LIPI: variants seen among roughly 807,000 people sequenced by gnomAD.
The protein encoded by LIPI is lipase member I.
A neutral mutation model predicts 50.6 loss-of-function variants in LIPI; 59 were observed. The ratio of observed to expected loss-of-function variants is 1.16; its 90% CI spans 0.94 to 1.45. The LOEUF is 1.45. Among genes scored for constraint, LIPI ranks in the 40% most tolerant of loss-of-function variants. The pLI is 0.00. For synonymous variants in LIPI, 203 were observed against 178.2 expected (o/e 1.14, Z -1.11); for missense variants, 586 against 536.3 (o/e 1.09, Z -0.92).
At chr21:14,172,069 C>T (rs1001935837) in intron 4 of LIPI, among the ~76,000 whole-genome samples, 1 of 152,210 alleles carries the variant, frequency 6.6e-6, no homozygotes, top group African/African-American at 2.4e-5. Flanking sequence ...CATGAACCAA[C>T]ACTTCTCAAA....
chr21:14,132,325 T>C (rs180782394), intron 9 of LIPI, among the ~76,000 whole-genome samples: 6 of 152,242 alleles, frequency 3.9e-5, no homozygotes, highest in Non-Finnish European at 1.5e-5. Context: ...ATGTATCTAG[T>C]CACCTATAAA....
At position 14,144,613 on chromosome 21, in the gene LIPI, A is replaced by T. The variant is rs540756724; in HGVS notation, c.1295+10T>A. ...GATAACATGTTGAAATCAAAATTTA[A>T]TTTTCTTACCTTTCTGGGTATGTAA... On this transcript the variant is annotated intron_variant, in intron 9 of 9. Transcript: ENST00000681601. 271 of 1,431,566 alleles carry T rather than the reference A, an allele frequency of 1.9e-4. 3 individuals are homozygous for T. The South Asian group carries it at 2.9e-3, about 16-fold the overall frequency. The allele number at this position is 1,431,566 out of a possible 1,614,324, so 88.7% of individuals were successfully genotyped here.
At chr21:14,120,277 C>G (rs976752009) in intron 9 of LIPI, among the ~76,000 whole-genome samples, 1 of 152,166 alleles carries the variant, frequency 6.6e-6, no homozygotes, top group Non-Finnish European at 1.5e-5. Context: ...GGCCAAGGCC[C>G]GCCCCCTAGC....
At chr21:14,139,383 G>T (rs2123037321) in intron 9 of LIPI, among the ~76,000 whole-genome samples, 1 of 152,060 alleles carries the variant, frequency 6.6e-6, no homozygotes, top group East Asian at 1.9e-4. Context: ...GCCTTCAATT[G>T]GGTTTAAGCA....
chr21:14,210,896 T>G lies in LIPI; in HGVS notation c.-51A>C. 1 of 1,178,312 alleles carries G rather than the reference T, an allele frequency of 8.5e-7. No homozygotes were observed. 73.0% of individuals were successfully genotyped at this position (1,178,312 alleles called of 1,614,324 possible). ...GCACTCAATTCACCAAAAAGGAAAT[T>G]CCGTAACTCATTGAGGTTTCTCTTT... On this transcript the variant is annotated 5_prime_UTR_variant, in exon 1 of 10. Transcript: ENST00000681601.
At position 14,206,853 on chromosome 21, in the gene LIPI, C is replaced by CT. The variant is rs751010025; in HGVS notation, c.46+3946dup. 8.7e-5 allele frequency: 140 copies of CT among 1,612,330 alleles called. 1 individual carries two copies. The South Asian group carries it at 9.1e-4, about 10-fold the overall frequency. On this transcript the variant is annotated intron_variant, in intron 1 of 9. Transcript: ENST00000681601. ...CACAACTAGAAGCCACAGGACATTT[C>CT]TGGGTGAGAACTGAAAAGCATGAGC...
chr21:14,209,252 T>TA, intron 1 of LIPI, among the ~76,000 whole-genome samples: 1 of 152,304 alleles, frequency 6.6e-6, no homozygotes, highest in South Asian at 2.1e-4. Flanking sequence ...TTATTCTACT[T>TA]ACAATTTTTA....
intron 8 of LIPI, among the ~76,000 whole-genome samples, chr21:14,148,953 A>G (rs1170092601): frequency 6.6e-6 from 1 of 152,206 alleles, no homozygotes; most frequent in African/African-American, 2.4e-5. Flanking sequence ...CATAGAATAT[A>G]ATGTTTGTAA....
chr21:14,178,887 T>A lies in LIPI; in HGVS notation c.643+2871A>T, dbSNP rs376375519. Reference sequence around the variant, plus strand: ...AAGGCTATTGTTTGCTTCTGTCAGATAACTAGGAGTTCTAACAATTCAGAA... The same window carrying A: ...AAGGCTATTGTTTGCTTCTGTCAGAAAACTAGGAGTTCTAACAATTCAGAA... On this transcript the variant is annotated intron_variant, in intron 4 of 9. Coordinates refer to ENST00000681601, the MANE Select transcript of LIPI (RefSeq NM_001302998.2). 7.9e-5 allele frequency among the ~76,000 whole-genome samples: 12 copies of A among 152,176 alleles called. No individual in the cohort carries two copies. In the East Asian group the frequency reaches 1.2e-3, roughly 15 times the overall value.
intron 1 of LIPI, among the ~76,000 whole-genome samples, chr21:14,199,007 T>A (rs1215769732): frequency 6.6e-6 from 1 of 152,046 alleles, no homozygotes; most frequent in African/African-American, 2.4e-5. Context: ...CCTAAGTGAA[T>A]ACTGGGTAAA....
chr21:14,123,501 A>G (rs555679340), intron 9 of LIPI, among the ~76,000 whole-genome samples: 1 of 152,314 alleles, frequency 6.6e-6, no homozygotes, highest in African/African-American at 2.4e-5. Flanking sequence ...CTCCCACCAA[A>G]ACAAGGGAAG....
intron 8 of LIPI, among the ~76,000 whole-genome samples, chr21:14,152,188 C>T (rs1205717772): frequency 2.6e-5 from 4 of 152,098 alleles, no homozygotes; most frequent in Non-Finnish European, 5.9e-5. Context: ...GCAACCTCCA[C>T]CTCCTGGGTT....
chr21:14,119,263 A>G (rs916374277), intron 9 of LIPI, among the ~76,000 whole-genome samples: 2 of 152,190 alleles, frequency 1.3e-5, no homozygotes, highest in Non-Finnish European at 2.9e-5. Flanking sequence ...ACTGCCATAC[A>G]TAGATGATTT....
chr21:14,138,772 C>A (rs1423527468), intron 9 of LIPI, among the ~76,000 whole-genome samples: 1 of 152,008 alleles, frequency 6.6e-6, no homozygotes, highest in Non-Finnish European at 1.5e-5. Context: ...CATTGTTAAT[C>A]AAATTGTAAA....
intron 9 of LIPI, among the ~76,000 whole-genome samples, chr21:14,131,322 C>T (rs1372073563): frequency 1.3e-5 from 2 of 152,086 alleles, no homozygotes; most frequent in African/African-American, 4.8e-5. Context: ...AAAACAGGCA[C>T]ATTTACCCCA....
chr21:14,200,212 C>T (rs1211813153), intron 1 of LIPI, among the ~76,000 whole-genome samples: 1 of 152,064 alleles, frequency 6.6e-6, no homozygotes, highest in East Asian at 1.9e-4. Flanking sequence ...TACCCTCTCT[C>T]ACCACTCCTG....
rs1296898055 is a variant in LIPI, at chr21:14,197,678, C to A, written c.47-8259G>T. Among the ~76,000 whole-genome samples the A allele has an allele frequency of 1.3e-5, 2 of 151,980 alleles. 1 individual carries two copies. ...CCTGAAAGAGATGAGGAGAATAGAACAAAATTGGAAAACATATTTCAGGAT... is the reference window on the plus strand; with the variant it reads ...CCTGAAAGAGATGAGGAGAATAGAAAAAAATTGGAAAACATATTTCAGGAT... On this transcript the variant is annotated intron_variant, in intron 1 of 9. Coordinates refer to ENST00000681601, the MANE Select transcript of LIPI (RefSeq NM_001302998.2).
intron 1 of LIPI, among the ~76,000 whole-genome samples, 168 bp downstream of exon 1, chr21:14,210,632 C>T (rs933070406): frequency 1.3e-5 from 2 of 151,844 alleles, no homozygotes; most frequent in Non-Finnish European, 2.9e-5. Context: ...CACACACACA[C>T]GTACACACAC....
intron 9 of LIPI, among the ~76,000 whole-genome samples, chr21:14,131,575 G>A (rs2017296436): frequency 6.6e-6 from 1 of 152,044 alleles, no homozygotes; most frequent in Non-Finnish European, 1.5e-5. Context: ...CTCCCCTATA[G>A]AAGCACTTTA....
Sources: gnomAD v4.1 joint callset for allele counts (sites outside exome capture counted in the v4.1 genomes callset) on GRCh38, gnomAD v4.1.1 for gene constraint, MANE v1.5 for transcripts, NCBI Gene and HGNC (gene_info 2026-07-23, HGNC 2026-07-21) for gene names.